Variants in DDX46 observed in about 807,000 individuals in gnomAD.
DDX46 encodes the protein DEAD-box helicase 46, also known as probable ATP-dependent RNA helicase DDX46.
A neutral mutation model predicts 134.9 loss-of-function variants in DDX46; 30 were observed. The ratio of observed to expected loss-of-function variants is 0.22; its 90% confidence interval spans 0.17 to 0.30. The LOEUF (loss-of-function observed/expected upper bound fraction) is 0.30, where lower values mean the gene tolerates loss of function less well. Ranked by LOEUF, DDX46 falls within the 10% of genes least tolerant of loss-of-function variation. DDX46 has a pLI of 1.00. For synonymous variants in DDX46, 415 were observed against 404.1 expected, an observed-to-expected ratio of 1.03 and a Z score of -0.32; for missense variants, 622 against 1,248.7, an observed-to-expected ratio of 0.50 and a Z score of 7.56.
At chr5:134,780,169 T>C in intron 6 of DDX46, among the ~76,000 whole-genome samples, 1 of 149,156 alleles carries the variant, frequency 6.7e-6, no homozygotes, top group African/African-American at 2.5e-5. Context: ...TATATGTGTA[T>C]ATGTATATGT....
intron 11 of DDX46, 39 bp downstream of exon 11, chr5:134,785,625 C>T: frequency 1.3e-6 from 2 of 1,566,234 alleles, no homozygotes; most frequent in Non-Finnish European, 1.7e-6. Context: ...CCATTCTTTT[C>T]TCAAGTTGGA....
At chr5:134,818,547 C>A (rs1755348352) in intron 20 of DDX46, among the ~76,000 whole-genome samples, 1 of 147,910 alleles carries the variant, frequency 6.8e-6, no homozygotes, top group Non-Finnish European at 1.5e-5. Context: ...ACTAAAAATA[C>A]AAAAATAAGC....
chr5:134,759,484 G>A (rs531831850), intron 1 of DDX46, among the ~76,000 whole-genome samples: 1 of 152,148 alleles, frequency 6.6e-6, no homozygotes, highest in Non-Finnish European at 1.5e-5. Context: ...TTCGCAAATA[G>A]ATTTCGTATT....
At chr5:134,772,218 G>A (rs985382939) in intron 4 of DDX46, among the ~76,000 whole-genome samples, 1 of 151,054 alleles carries the variant, frequency 6.6e-6, no homozygotes, top group Non-Finnish European at 1.5e-5. Context: ...GGCAACAAGA[G>A]CGAAACTCTG....
chr5:134,759,382 C>T (rs1753306830), intron 1 of DDX46, among the ~76,000 whole-genome samples: 1 of 152,168 alleles, frequency 6.6e-6, no homozygotes, highest in African/African-American at 2.4e-5. Flanking sequence ...TTGAAAGGAG[C>T]GTGTGGGCAG....
At chr5:134,785,662 T>G in intron 11 of DDX46, 76 bp downstream of exon 11, 1 of 1,498,626 alleles carries the variant, frequency 6.7e-7, no homozygotes, top group Non-Finnish European at 8.9e-7. Flanking sequence ...AAGTGACTTT[T>G]ACTTTTAGTT....
At chr5:134,820,864 CTTTTT>C (rs1180909732) in intron 21 of DDX46, among the ~76,000 whole-genome samples, 2 of 123,224 alleles carry the variant, frequency 1.6e-5, no homozygotes, top group Non-Finnish European at 3.4e-5. Context: ...CTTTTCTTTT[CTTTTT>C]TTTTTTTTTT....
intron 1 of DDX46, among the ~76,000 whole-genome samples, chr5:134,760,436 G>A (rs545001105): frequency 6.6e-6 from 1 of 152,148 alleles, no homozygotes; most frequent in Non-Finnish European, 1.5e-5. Flanking sequence ...TAGGAGGTAG[G>A]TCCTGAATAG....
chr5:134,776,939 G>C (rs368675641), intron 5 of DDX46, among the ~76,000 whole-genome samples: 2 of 147,814 alleles, frequency 1.4e-5, no homozygotes, highest in African/African-American at 5.0e-5. Flanking sequence ...AAGGCCAGGC[G>C]TGGTGGCTCA....
Position 134,823,165 on chromosome 5 carries a change from T to C in DDX46, c.2978-3782T>C, listed in dbSNP as rs539983857. ...GAATTTCTTAATTTCATCTTTTTTTTTTTTTTTTTTTTTTGACATGGAGTC... is the reference window on the plus strand; with the variant it reads ...GAATTTCTTAATTTCATCTTTTTTTCTTTTTTTTTTTTTTGACATGGAGTC... On this transcript the variant is annotated intron_variant, in intron 21 of 22. Transcript: ENST00000452510. 4.3e-5 allele frequency among the ~76,000 whole-genome samples: 6 copies of C among 140,314 alleles called. No homozygotes were observed. In the East Asian group the frequency reaches 1.3e-3, roughly 30 times the overall value. The allele number at this position is 140,314 out of a possible 152,430, so 92.1% of individuals were successfully genotyped here. A position where few individuals can be genotyped will look rare whatever the true frequency, so the allele number is the denominator to read the frequency against.
chr5:134,785,772 T>A (rs1754312665), intron 11 of DDX46, among the ~76,000 whole-genome samples, 186 bp downstream of exon 11: 1 of 152,158 alleles, frequency 6.6e-6, no homozygotes, highest in African/African-American at 2.4e-5. Flanking sequence ...TTTGGAGATG[T>A]AATGTACAGC....
chr5:134,804,523 A>C (rs1754925935), intron 15 of DDX46, among the ~76,000 whole-genome samples: 1 of 152,010 alleles, frequency 6.6e-6, no homozygotes, highest in Non-Finnish European at 1.5e-5. Flanking sequence ...CTGTAGCCTG[A>C]ACCTCTCTTT....
chr5:134,814,078 C>T (rs1040182530), intron 18 of DDX46, among the ~76,000 whole-genome samples: 3 of 152,160 alleles, frequency 2.0e-5, no homozygotes, highest in Non-Finnish European at 4.4e-5. Flanking sequence ...CATAGGTTAA[C>T]CACAGTCTGA....
At chr5:134,808,604 TA>T (rs995840702) in intron 16 of DDX46, among the ~76,000 whole-genome samples, 4 of 151,096 alleles carry the variant, frequency 2.6e-5, no homozygotes, top group East Asian at 1.9e-4. Context: ...GATCTTTTTT[TA>T]AAAAAAAACA....
At chr5:134,802,197 T>C (rs1030218475) in intron 15 of DDX46, among the ~76,000 whole-genome samples, 1 of 149,658 alleles carries the variant, frequency 6.7e-6, no homozygotes, top group African/African-American at 2.5e-5. Flanking sequence ...GGAGTTTTCT[T>C]CTTGTTGCCC....
At chr5:134,759,484 G>T (rs531831850) in intron 1 of DDX46, among the ~76,000 whole-genome samples, 10 of 152,266 alleles carry the variant, frequency 6.6e-5, no homozygotes, top group African/African-American at 2.4e-4. Context: ...TTCGCAAATA[G>T]ATTTCGTATT....
intron 10 of DDX46, among the ~76,000 whole-genome samples, chr5:134,785,049 C>T (rs1754288399): frequency 6.6e-6 from 1 of 152,156 alleles, no homozygotes; most frequent in Admixed American, 6.5e-5. Flanking sequence ...CAGCTTCTCT[C>T]TTAGGAACAC....
chr5:134,776,686 G>A (rs1753947154), intron 5 of DDX46, among the ~76,000 whole-genome samples: 2 of 152,084 alleles, frequency 1.3e-5, no homozygotes, highest in South Asian at 2.1e-4. Flanking sequence ...GGAGGCTGAG[G>A]TGGGTGGATC....
intron 12 of DDX46, chr5:134,790,148 C>T: frequency 2.0e-6 from 1 of 498,082 alleles, no homozygotes; most frequent in South Asian, 1.5e-5. Context: ...GATGCTTCAT[C>T]TCAGTCTTAG....
Sources: allele counts gnomAD v4.1 joint callset (sites outside exome capture counted in the v4.1 genomes callset), GRCh38; gene constraint gnomAD v4.1.1; transcripts MANE v1.5; gene names NCBI Gene and HGNC (gene_info 2026-07-23, HGNC 2026-07-21).